UGT1A3: variants seen among roughly 807,000 people sequenced by gnomAD.
UGT1A3 encodes the protein UDP glucuronosyltransferase family 1 member A3, also known as UDP-glucuronosyltransferase 1A3.
In UGT1A3, 31 loss-of-function variants were observed where a neutral mutation model predicts 41.0. The ratio of observed to expected loss-of-function variants is 0.76; its 90% confidence interval spans 0.57 to 1.02. UGT1A3 has a LOEUF of 1.02. Ranked by LOEUF, UGT1A3 falls within the 50% of genes least tolerant of loss-of-function variation. The probability of loss-of-function intolerance (pLI) is 0.00; values close to 1 mark genes in which losing one functional copy is unlikely to be tolerated. For synonymous variants in UGT1A3, 262 were observed against 257.6 expected (o/e 1.02, Z -0.17); for missense variants, 737 against 671.0 (o/e 1.10, Z -1.09).
intron 1 of UGT1A3, among the ~76,000 whole-genome samples, chr2:233,730,722 G>C (rs2078066355): frequency 6.6e-6 from 1 of 152,104 alleles, no homozygotes; most frequent in Admixed American, 6.6e-5. Flanking sequence ...AAATTATCAA[G>C]AAATGGCGGA....
At chr2:233,734,121 T>TAAA (rs1021409062) in intron 1 of UGT1A3, among the ~76,000 whole-genome samples, 6 of 151,862 alleles carry the variant, frequency 4.0e-5, no homozygotes, top group African/African-American at 1.5e-4. Context: ...ATAATAATAA[T>TAAA]AAAAAGAATT....
rs1421246171 is a variant in UGT1A3, at chr2:233,747,288, G to T, written c.867+17295G>T. ...TACTCCTTCTCAGTGCCCAGCCCTG[G>T]GCTGAGAGTGGGAAGGTGCTGGTGG... On this transcript the variant is annotated intron_variant, in intron 1 of 4. Transcript: ENST00000482026. 3 of 1,601,214 alleles carry T rather than the reference G, an allele frequency of 1.9e-6. No homozygotes were observed. The African/African-American group carries it at 4.0e-5, about 22-fold the overall frequency.
intron 1 of UGT1A3, chr2:233,760,915 G>A (rs758093591): frequency 5.6e-6 from 9 of 1,614,180 alleles, no homozygotes; most frequent in Non-Finnish European, 7.6e-6. Flanking sequence ...CCTGCAGCGG[G>A]TGAAGAACAT....
At chr2:233,750,007 A>G (rs1252051416) in intron 1 of UGT1A3, among the ~76,000 whole-genome samples, 1 of 151,886 alleles carries the variant, frequency 6.6e-6, no homozygotes, top group African/African-American at 2.4e-5. Flanking sequence ...AATTGGTGCC[A>G]TGGAGAGTGG....
Position 233,729,735 on chromosome 2 carries a change from C to A in UGT1A3, c.609C>A (p.Asp203Glu). The change falls in exon 1 of 5, where the codon GAC becomes GAA. Residue 203 changes from aspartate to glutamate, a missense_variant. Transcript: ENST00000482026. ...CTAGATTACTAACAACCAATTCAGA[C>A]CACATGACATTCATGCAAAGGGTCA... Reference protein sequence around the residue: ...YIPRLLTTNSDHMTFMQRVKN... With the variant: ...YIPRLLTTNSEHMTFMQRVKN... 1 of 1,614,000 alleles carries A rather than the reference C, an allele frequency of 6.2e-7. No homozygotes were observed. Among genetic ancestry groups the A allele is most frequent in the South Asian group, 1.1e-5 (1 of 91,072 alleles).
chr2:233,748,167 T>A, intron 1 of UGT1A3: 1 of 1,593,478 alleles, frequency 6.3e-7, no homozygotes, highest in Non-Finnish European at 8.5e-7. Context: ...CCATATCTAC[T>A]TATCTTTCTG....
chr2:233,772,482 T>C lies in UGT1A3; in HGVS notation c.1528T>C (p.Cys510Arg). Residue 510 changes from cysteine to arginine, a missense_variant, in exon 5 of 5, where the codon TGT becomes CGT. Physicochemically the swap from Cys to Arg is radical, Grantham distance 180. Coordinates refer to ENST00000482026, the MANE Select transcript of UGT1A3 (RefSeq NM_019093.4). ...VLTVAFITFK[C>R]CAYGYRKCLG... ...GACAGTGGCCTTCATCACCTTTAAA[T>C]GTTGTGCTTATGGCTACCGGAAATG... The C allele has an allele frequency of 6.2e-7, 1 of 1,614,124 alleles. No individual in the cohort carries two copies. Among genetic ancestry groups the C allele is most frequent in the Non-Finnish European group, 8.5e-7 (1 of 1,180,034 alleles).
In UGT1A3 at chr2:233,772,858, A is replaced by C; in HGVS notation, c.*299A>C. ...TAGATTACTTTTCTTACTCTGAAAC[A>C]TGGCCTGTTTGGGAGTGCGGGATTC... On this transcript the variant is annotated 3_prime_UTR_variant, in exon 5 of 5. Transcript: ENST00000482026. The C allele has an allele frequency of 1.4e-6, 1 of 719,796 alleles. No individual in the cohort carries two copies. The allele number at this position is 719,796 out of a possible 1,614,324, so 44.6% of individuals were successfully genotyped here.
intron 1 of UGT1A3, among the ~76,000 whole-genome samples, chr2:233,757,279 A>C (rs1159492481): frequency 7.8e-6 from 1 of 127,878 alleles, no homozygotes; most frequent in Non-Finnish European, 1.6e-5. Flanking sequence ...GCAATGATTC[A>C]GAAGGGACAG....
chr2:233,730,924 C>G (rs2078090552), intron 1 of UGT1A3, among the ~76,000 whole-genome samples: 1 of 152,176 alleles, frequency 6.6e-6, no homozygotes, highest in Non-Finnish European at 1.5e-5. Context: ...AGGCAGCTTT[C>G]ATTAATCCAG....
rs1311139649 is a variant in UGT1A3, at chr2:233,745,502, A to G, written c.867+15509A>G. 2.0e-5 allele frequency among the ~76,000 whole-genome samples: 3 copies of G among 151,662 alleles called. 1 individual carries two copies. The highest frequency in any genetic ancestry group is 7.3e-5 in the African/African-American group (3 of 40,986). On this transcript the variant is annotated intron_variant, in intron 1 of 4. Coordinates refer to ENST00000482026, the MANE Select transcript of UGT1A3 (RefSeq NM_019093.4). ...ACCAAAGAACATTCTAAGATTTCCT[A>G]TAGGGTATTAGGTCTAATGGGGATG...
At position 233,729,994 on chromosome 2, in the gene UGT1A3, G is replaced by A; in HGVS notation, c.867+1G>A. On this transcript the variant is annotated splice_donor_variant, in intron 1 of 4. Coordinates refer to ENST00000482026, the MANE Select transcript of UGT1A3 (RefSeq NM_019093.4). LOFTEE classifies it high-confidence loss of function. ...TGCCAACAGGAAGCCACTATCTCAGGTCTGTATTGGTGCCTTCATCCAATC... is the reference window on the plus strand; with the variant it reads ...TGCCAACAGGAAGCCACTATCTCAGATCTGTATTGGTGCCTTCATCCAATC... 6.2e-7 allele frequency: 1 copy of A among 1,613,954 alleles called. No homozygotes were observed.
At chr2:233,733,104 CTGTT>C (rs892202373) in intron 1 of UGT1A3, among the ~76,000 whole-genome samples, 2 of 152,132 alleles carry the variant, frequency 1.3e-5, no homozygotes, top group African/African-American at 4.8e-5. Context: ...TGGTTTGGCT[CTGTT>C]TGTCTGTTAT....
At chr2:233,750,245 C>A (rs1694403636) in intron 1 of UGT1A3, among the ~76,000 whole-genome samples, 1 of 151,900 alleles carries the variant, frequency 6.6e-6, no homozygotes, top group South Asian at 2.1e-4. Context: ...GGAACTGGAA[C>A]AAAGGTCACC....
chr2:233,752,059 C>T lies in UGT1A3; in HGVS notation c.868-14975C>T, dbSNP rs190441645. ...GTAAGCTGTTGTGTGAATGATTTCC[C>T]GAGATGGGGAAGTCTCTCTACCTGT... On this transcript the variant is annotated intron_variant, in intron 1 of 4. Transcript: ENST00000482026. 8.5e-5 allele frequency among the ~76,000 whole-genome samples: 13 copies of T among 152,200 alleles called. No homozygotes were observed. In the East Asian group the frequency reaches 9.6e-4, roughly 11 times the overall value.
chr2:233,750,746 T>G (rs1207151817), intron 1 of UGT1A3: 2 of 151,906 alleles, frequency 1.3e-5, no homozygotes, highest in Admixed American at 1.3e-4. Context: ...ACCTCAAGCC[T>G]TGGCAGCATC....
intron 4 of UGT1A3, chr2:233,771,210 C>A: frequency 6.6e-6 from 1 of 152,206 alleles, no homozygotes. Context: ...GGACAAATAT[C>A]CAAACTGTAT....
At chr2:233,761,196 T>G (rs761284519) in intron 1 of UGT1A3, 1 of 1,614,142 alleles carries the variant, frequency 6.2e-7, no homozygotes. Context: ...TTCTTTCAGA[T>G]GTATTACTTT....
Position 233,729,571 on chromosome 2 carries a change from G to T in UGT1A3, c.445G>T (p.Val149Phe), listed in dbSNP as rs965988508. Residue 149 changes from valine (V) to phenylalanine (F), a missense_variant, in exon 1 of 5, where the codon GTT (valine) becomes TTT (phenylalanine). Val to Phe is a conservative substitution (Grantham distance 50, BLOSUM62 -1). Coordinates refer to ENST00000482026, the MANE Select transcript of UGT1A3 (RefSeq NM_019093.4). Reference protein sequence around the residue: ...RHLNATSFDVVLTDPVNLCAA... With the variant: ...RHLNATSFDVFLTDPVNLCAA... ...CCTGAATGCTACTTCCTTTGATGTG[G>T]TTTTAACAGACCCCGTTAACCTCTG... The T allele has an allele frequency of 1.2e-6, 2 of 1,614,100 alleles. No homozygotes were observed. Among genetic ancestry groups the T allele is most frequent in the Non-Finnish European group, 1.7e-6 (2 of 1,179,996 alleles).
Sources: gnomAD v4.1 joint callset for allele counts (sites outside exome capture counted in the v4.1 genomes callset) on GRCh38, gnomAD v4.1.1 for gene constraint, MANE v1.5 for transcripts, NCBI Gene and HGNC (gene_info 2026-07-23, HGNC 2026-07-21) for gene names.